Variants in NIPSNAP3A observed in about 807,000 individuals in gnomAD.
The protein encoded by NIPSNAP3A is protein NipSnap homolog 3A.
NIPSNAP3A carries 27 observed loss-of-function variants against 32.3 expected under a neutral mutation model. The ratio of observed to expected loss-of-function variants is 0.84; its 90% CI spans 0.62 to 1.15. NIPSNAP3A has a LOEUF of 1.15. Ranked by LOEUF, NIPSNAP3A falls within the 50% of genes most tolerant of loss-of-function variation. The pLI is 0.00. For missense variants in NIPSNAP3A, 278 were observed against 297.2 expected, an observed-to-expected ratio of 0.94 and a Z score of 0.48; for synonymous variants, 108 against 107.3, an observed-to-expected ratio of 1.01 and a Z score of -0.04.
chr9:104,752,950 G>T lies in NIPSNAP3A; in HGVS notation c.316G>T (p.Asp106Tyr). 6.2e-7 allele frequency: 1 copy of T among 1,613,298 alleles called. No homozygotes were observed. Among genetic ancestry groups the T allele is most frequent in the Non-Finnish European group, 8.5e-7 (1 of 1,179,310 alleles). Residue 106 changes from aspartate to tyrosine, a missense_variant, in exon 3 of 6, where the codon GAT (aspartate) becomes TAT (tyrosine). Transcript: ENST00000374767. ...TGAAGTTCGGAAAGCCTTGGCCAAA[G>T]ATAAGGAATGGCAAGAACAATTCCT... ...RTEVRKALAK[D>Y]KEWQEQFLIP... is the part of the protein sequence containing the mutation.
chr9:104,750,719 G>A lies in NIPSNAP3A; in HGVS notation c.61-237G>A, dbSNP rs138268538. ...GTGGAGTGTGCTTTCATTTTCAATA[G>A]ATCTCTGCTTTTGTTACTTCATTCT... On this transcript the variant is annotated intron_variant, in intron 1 of 5. Coordinates refer to ENST00000374767, the MANE Select transcript of NIPSNAP3A (RefSeq NM_015469.3). 1.7e-4 allele frequency among the ~76,000 whole-genome samples: 26 copies of A among 152,240 alleles called. 1 individual carries two copies. The highest frequency in any genetic ancestry group is 1.7e-3 in the South Asian group (8 of 4,822).
chr9:104,758,827 G>A (rs1285020815), intron 4 of NIPSNAP3A, among the ~76,000 whole-genome samples: 2 of 151,168 alleles, frequency 1.3e-5, no homozygotes, highest in Admixed American at 6.6e-5. Flanking sequence ...AAAATTAGCC[G>A]GACGTGGTGG....
At chr9:104,754,382 C>G (rs1827880995) in intron 3 of NIPSNAP3A, 169 bp from the exon 4 acceptor site, 4 of 596,218 alleles carry the variant, frequency 6.7e-6, no homozygotes, top group Admixed American at 3.1e-5. Flanking sequence ...CAAGGACTTT[C>G]TAAGCATAAA....
rs1364184037 is a variant in NIPSNAP3A at position 104,747,755 on chromosome 9, A to G, written c.-38A>G. On this transcript the variant is annotated 5_prime_UTR_variant, in exon 1 of 6. Transcript: ENST00000374767. The stretch of plus-strand genomic sequence containing the variant: ...AACCTTCAGAGGAGTCTCAGAAAGG[A>G]CACGGCTGGCTGCTTTTCTCAGCGC... The G allele has an allele frequency of 1.3e-6, 2 of 1,591,982 alleles. No individual in the cohort carries two copies. The highest frequency in any genetic ancestry group is 2.3e-5 in the South Asian group (2 of 88,474).
rs775878429 is a variant in NIPSNAP3A at position 104,754,532 on chromosome 9, CT to C, written c.431-14del. 53 of 1,611,886 alleles carry C rather than the reference CT, an allele frequency of 3.3e-5. No individual in the cohort carries two copies. The highest frequency in any genetic ancestry group is 4.3e-5 in the Non-Finnish European group (51 of 1,178,952). ...TTGCTTGAATGTTTTCTGAAAAATT[CT>C]TTTTCTCCCTATTCCAGGAGTCTAT... On this transcript the variant is annotated intron_variant, in intron 3 of 5. Transcript: ENST00000374767.
chr9:104,750,992 G>C lies in NIPSNAP3A; in HGVS notation c.97G>C (p.Asp33His). 6.2e-7 allele frequency: 1 copy of C among 1,613,816 alleles called. No homozygotes were observed. Among genetic ancestry groups the C allele is most frequent in the African/African-American group, 1.3e-5 (1 of 75,006 alleles). ...SSFATGPRQY[D>H]GIFYEFRSYY... The stretch of plus-strand genomic sequence containing the variant: ...TTTTGCTACGGGACCCAGACAATAC[G>C]ATGGAATATTCTATGAATTTCGTTC... The change falls in exon 2 of 6, where the codon GAT (aspartate) becomes CAT (histidine). Residue 33 changes from aspartate (D) to histidine (H), a missense_variant. Physicochemically the swap from Asp to His is moderately conservative, Grantham distance 81 (BLOSUM62 -1). Coordinates refer to ENST00000374767, the MANE Select transcript of NIPSNAP3A (RefSeq NM_015469.3).
intron 3 of NIPSNAP3A, among the ~76,000 whole-genome samples, chr9:104,753,407 A>C (rs796684189): frequency 3.9e-5 from 6 of 152,324 alleles, no homozygotes; most frequent in African/African-American, 1.4e-4. Flanking sequence ...TTTTGCCATA[A>C]TTTTAAAATA....
rs749696548 is a variant in NIPSNAP3A at position 104,750,998 on chromosome 9, A to C, written c.103A>C (p.Ile35Leu). ...TACGGGACCCAGACAATACGATGGA[A>C]TATTCTATGAATTTCGTTCTTATTA... ...FATGPRQYDG[I>L]FYEFRSYYLK... Residue 35 changes from isoleucine (I) to leucine (L), a missense_variant, in exon 2 of 6, where the codon ATA (isoleucine) becomes CTA (leucine). Coordinates refer to ENST00000374767, the MANE Select transcript of NIPSNAP3A (RefSeq NM_015469.3). The C allele has an allele frequency of 6.2e-7, 1 of 1,614,054 alleles. No homozygotes were observed. The highest frequency in any genetic ancestry group is 1.1e-5 in the South Asian group (1 of 91,080).
intron 1 of NIPSNAP3A, among the ~76,000 whole-genome samples, chr9:104,748,551 C>A (rs895751696): frequency 1.3e-5 from 2 of 152,168 alleles, no homozygotes; most frequent in African/African-American, 4.8e-5. Flanking sequence ...TGATTCTGCC[C>A]TAACTTTCGG....
At chr9:104,754,329 T>A (rs1165936595) in intron 3 of NIPSNAP3A, 9 of 431,714 alleles carry the variant, frequency 2.1e-5, no homozygotes, top group Non-Finnish European at 8.3e-6. Flanking sequence ...TTTTTCTTTG[T>A]CATCTGTATG....
At chr9:104,750,285 T>C (rs868715300) in intron 1 of NIPSNAP3A, among the ~76,000 whole-genome samples, 72 of 152,240 alleles carry the variant, frequency 4.7e-4, no homozygotes, top group African/African-American at 1.5e-3. Flanking sequence ...GAAGTATCAT[T>C]AAGATCTCAG....
At chr9:104,747,998 C>CCCCGGAACCCCAAGACAAGGGTA in intron 1 of NIPSNAP3A, 146 bp downstream of exon 1, 1 of 684,356 alleles carries the variant, frequency 1.5e-6, no homozygotes, top group Non-Finnish European at 2.4e-6. Flanking sequence ...CTAGCGTGAG[C>CCCCGGAACCCCAAGACAAGGGTA]CCCGGAACCC....
chr9:104,754,879 C>G (rs1432370527), intron 4 of NIPSNAP3A, among the ~76,000 whole-genome samples, 179 bp downstream of exon 4: 1 of 152,038 alleles, frequency 6.6e-6, no homozygotes, highest in Non-Finnish European at 1.5e-5. Context: ...AGAATGTTAA[C>G]TTATGAAACC....
intron 3 of NIPSNAP3A, chr9:104,753,617 C>G (rs1827872387): frequency 6.5e-6 from 1 of 152,886 alleles, no homozygotes; most frequent in Non-Finnish European, 1.5e-5. Context: ...TGTCTTCTTG[C>G]TGATTTCACT....
chr9:104,749,041 C>T (rs577557351), intron 1 of NIPSNAP3A, among the ~76,000 whole-genome samples: 1 of 152,314 alleles, frequency 6.6e-6, no homozygotes, highest in East Asian at 1.9e-4. Context: ...CTCCCTCTCT[C>T]ACTGTAGGTT....
At chr9:104,749,650 CAT>C (rs888399407) in intron 1 of NIPSNAP3A, among the ~76,000 whole-genome samples, 12 of 151,962 alleles carry the variant, frequency 7.9e-5, no homozygotes, top group South Asian at 6.2e-4. Flanking sequence ...ACCATGAGTG[CAT>C]ATATATATGT....
At position 104,750,120 on chromosome 9, in the gene NIPSNAP3A, T is replaced by C. The variant is rs368354352; in HGVS notation, c.61-836T>C. On this transcript the variant is annotated intron_variant, in intron 1 of 5. Coordinates refer to ENST00000374767, the MANE Select transcript of NIPSNAP3A (RefSeq NM_015469.3). The stretch of plus-strand genomic sequence containing the variant: ...AAGAGTTTTCTTCTAGTAAACATTT[T>C]TTTCATTATGCCTGCCAAAAGTTAC... Among the ~76,000 whole-genome samples the C allele has an allele frequency of 2.0e-4, 31 of 152,224 alleles. 1 individual carries two copies. The South Asian group carries it at 2.1e-3, about 10-fold the overall frequency.
Position 104,747,712 on chromosome 9 carries a change from G to A in NIPSNAP3A, c.-81G>A, listed in dbSNP as rs1169537297. ...TGCGTCTGCCAATGATCCAGGAGCC[G>A]CTCCTTTCCACTCGGGAAACCTTCA... On this transcript the variant is annotated 5_prime_UTR_variant, in exon 1 of 6. Coordinates refer to ENST00000374767, the MANE Select transcript of NIPSNAP3A (RefSeq NM_015469.3). The A allele has an allele frequency of 4.2e-6, 6 of 1,413,384 alleles. No individual in the cohort carries two copies. Among genetic ancestry groups the A allele is most frequent in the African/African-American group, 2.8e-5 (2 of 70,378 alleles). The allele number at this position is 1,413,384 out of a possible 1,614,324, so 87.6% of individuals were successfully genotyped here. A position where few individuals can be genotyped will look rare whatever the true frequency, so the allele number is the denominator to read the frequency against.
Position 104,753,039 on chromosome 9 carries a change from C to G in NIPSNAP3A, c.405C>G (p.Cys135Trp), listed in dbSNP as rs1318193805. The G allele has an allele frequency of 6.2e-7, 1 of 1,613,358 alleles. No individual in the cohort carries two copies. The highest frequency in any genetic ancestry group is 2.2e-5 in the East Asian group (1 of 44,844). Residue 135 changes from cysteine to tryptophan, a missense_variant, in exon 3 of 6, where the codon TGC becomes TGG. Physicochemically the swap from Cys to Trp is radical, Grantham distance 215. Transcript: ENST00000374767. ...ESEITYLVPW[C>W]KLEKPPKEGV... ...AGATTACTTATCTGGTACCATGGTG[C>G]AAATTAGAAAAACCTCCAAAAGAAG...
Sources: allele counts gnomAD v4.1 joint callset (sites outside exome capture counted in the v4.1 genomes callset), GRCh38; gene constraint gnomAD v4.1.1; transcripts MANE v1.5; gene names NCBI Gene and HGNC (gene_info 2026-07-23, HGNC 2026-07-21).